Variants in C17orf107 observed in about 807,000 individuals in gnomAD.
C17orf107 encodes uncharacterized protein C17orf107.
C17orf107 carries 9 observed loss-of-function variants against 8.9 expected under a neutral mutation model. The observed-to-expected ratio is 1.02, with a 90% CI of 0.61 to 1.77. C17orf107 has a LOEUF of 1.77. Among genes scored for constraint, C17orf107 ranks in the 40% most tolerant of loss-of-function variants. C17orf107 has a pLI of 0.00. For missense variants in C17orf107, 281 were observed against 249.0 expected (o/e 1.13, Z -0.86); for synonymous variants, 139 against 120.3 (o/e 1.16, Z -1.02).
chr17:4,901,025 C>T lies in C17orf107; in HGVS notation c.*492C>T, dbSNP rs1969966617. ...CAGGAAGTAGGCGAGCAGCACCAGG[C>T]CCGAGATGAGCACACAGGGCACGAT... On this transcript the variant is annotated 3_prime_UTR_variant, in exon 3 of 3. Transcript: ENST00000381365. 1 of 1,613,894 alleles carries T rather than the reference C, an allele frequency of 6.2e-7. No homozygotes were observed. Among genetic ancestry groups the T allele is most frequent in the Admixed American group, 1.7e-5 (1 of 60,012 alleles).
rs1969937032 is a variant in C17orf107, at chr17:4,900,298, C to T, written c.338C>T (p.Pro113Leu). 1.3e-6 allele frequency: 2 copies of T among 1,545,366 alleles called. No individual in the cohort carries two copies. The highest frequency in any genetic ancestry group is 1.2e-5 in the South Asian group (1 of 83,982). ...CTAGACGGCAGCGCGGGCCCAGCCCCAGACGGCAGGGATCCGGGTGCAGCG... is the reference window on the plus strand; with the variant it reads ...CTAGACGGCAGCGCGGGCCCAGCCCTAGACGGCAGGGATCCGGGTGCAGCG... ...RRLDGSAGPA[P>L]DGRDPGAALS... The change falls in exon 3 of 3, where the codon CCA becomes CTA. Residue 113 changes from proline (P) to leucine (L), a missense_variant. By Grantham distance (98) the Pro-to-Leu change is moderately conservative. Transcript: ENST00000381365.
chr17:4,901,317 G>T lies in C17orf107; in HGVS notation c.*784G>T. 1 of 1,083,836 alleles carries T rather than the reference G, an allele frequency of 9.2e-7. No individual in the cohort carries two copies. Among genetic ancestry groups the T allele is most frequent in the Non-Finnish European group, 1.4e-6 (1 of 732,640 alleles). 67.1% of individuals were successfully genotyped at this position (1,083,836 alleles called of 1,614,324 possible). A position where few individuals can be genotyped will look rare whatever the true frequency, so the allele number is the denominator to read the frequency against. ...GGCCGTCAGGATGGGGGCAATTACG[G>T]ACAGAAAAGGGCATTCTCGTTGAGG... is the stretch of plus-strand genomic sequence containing the variant. On this transcript the variant is annotated 3_prime_UTR_variant, in exon 3 of 3. Transcript: ENST00000381365.
chr17:4,903,041 A>G (rs199807050), downstream of C17orf107: 344 of 1,613,490 alleles, frequency 2.1e-4, no homozygotes, highest in Non-Finnish European at 2.6e-5. Context: ...GAGGAGCAGG[A>G]CCCCAAGCGG....
Position 4,900,432 on chromosome 17 carries a change from C to T in C17orf107, c.472C>T (p.Arg158Trp). 3 of 1,551,032 alleles carry T rather than the reference C, an allele frequency of 1.9e-6. No homozygotes were observed. Among genetic ancestry groups the T allele is most frequent in the Non-Finnish European group, 2.6e-6 (3 of 1,146,968 alleles). The change falls in exon 3 of 3, where the codon CGG (arginine) becomes TGG (tryptophan). Residue 158 changes from arginine (R) to tryptophan (W), a missense_variant. By Grantham distance (101) the Arg-to-Trp change is moderately radical. Transcript: ENST00000381365. The part of the protein sequence containing the change: ...VQGAWLCLCG[R>W]GLQGSASFLR... ...GGGAGCATGGCTATGCCTGTGTGGACGGGGTCTGCAGGGGTCTGCCTCATT... is the reference window on the plus strand; with the variant it reads ...GGGAGCATGGCTATGCCTGTGTGGATGGGGTCTGCAGGGGTCTGCCTCATT...
chr17:4,901,701 G>A lies in C17orf107; in HGVS notation c.*1168G>A, dbSNP rs1597620590. ...GGCCTCAGGCCCAGCCCTGGAAGCT[G>A]GGATCTAGCGGGGCCGCGATCCCAA... On this transcript the variant is annotated 3_prime_UTR_variant, in exon 3 of 3. Coordinates refer to ENST00000381365, the MANE Select transcript of C17orf107 (RefSeq NM_001145536.2). 7.7e-6 allele frequency: 11 copies of A among 1,436,412 alleles called. No homozygotes were observed. Among genetic ancestry groups the A allele is most frequent in the East Asian group, 2.3e-5 (1 of 43,712 alleles). The allele number at this position is 1,436,412 out of a possible 1,614,324, so 89.0% of individuals were successfully genotyped here.
downstream of C17orf107, among the ~76,000 whole-genome samples, chr17:4,905,735 C>T (rs1038711847): frequency 3.9e-5 from 6 of 151,922 alleles, no homozygotes; most frequent in Non-Finnish European, 7.4e-5. Context: ...GTGGCTGGCA[C>T]CTGTAATCCC....
rs1156609634 is a variant in C17orf107 at position 4,902,205 on chromosome 17, C to A, written c.*1672C>A. ...GGCTTCCCTCCAGCCTGGCGTCTGG[C>A]CCGGTTCTCACTTGTTTTCCAGCAC... On this transcript the variant is annotated 3_prime_UTR_variant, in exon 3 of 3. Coordinates refer to ENST00000381365, the MANE Select transcript of C17orf107 (RefSeq NM_001145536.2). This position sits in a 1 kb window ranked among gnomAD's most constrained non-coding sequence, Gnocchi z 4.0. 1.2e-6 allele frequency: 2 copies of A among 1,613,912 alleles called. No homozygotes were observed. Among genetic ancestry groups the A allele is most frequent in the Non-Finnish European group, 1.7e-6 (2 of 1,179,902 alleles).
chr17:4,900,953 GC>G lies in C17orf107; in HGVS notation c.*423del. 6.2e-7 allele frequency: 1 copy of G among 1,613,840 alleles called. No individual in the cohort carries two copies. Among genetic ancestry groups the G allele is most frequent in the Non-Finnish European group, 8.5e-7 (1 of 1,179,752 alleles). On this transcript the variant is annotated 3_prime_UTR_variant, in exon 3 of 3. Transcript: ENST00000381365. The stretch of plus-strand genomic sequence containing the variant: ...AGCGGGCCCCGCCTCCCGGGAGCGA[GC>G]CCGGGTTTGGGGGTAGGTTCGGGGC...
rs759432257 is a variant in C17orf107 at position 4,901,924 on chromosome 17, C to T, written c.*1391C>T. On this transcript the variant is annotated 3_prime_UTR_variant, in exon 3 of 3. Coordinates refer to ENST00000381365, the MANE Select transcript of C17orf107 (RefSeq NM_001145536.2). Reference sequence around the variant, plus strand: ...TAATCGTCCGGGCCTCGGAGTAGCTCTTCCCACCGGAAAATAAGCGAACAG... The same window carrying T: ...TAATCGTCCGGGCCTCGGAGTAGCTTTTCCCACCGGAAAATAAGCGAACAG... The T allele has an allele frequency of 1.3e-6, 2 of 1,530,222 alleles. No individual in the cohort carries two copies. The allele number at this position is 1,530,222 out of a possible 1,614,324, so 94.8% of individuals were successfully genotyped here.
rs772240882 is a variant in C17orf107, at chr17:4,902,718, A to G, written c.*2185A>G. 2 of 1,614,036 alleles carry G rather than the reference A, an allele frequency of 1.2e-6. No individual in the cohort carries two copies. The highest frequency in any genetic ancestry group is 3.3e-5 in the Admixed American group (2 of 59,998). ...GCTTCCTGGGTCATAGTTGTTGAAG[A>G]GATGGTGATAAAGACGCAGTTCCTC... is the stretch of plus-strand genomic sequence containing the variant. On this transcript the variant is annotated 3_prime_UTR_variant, in exon 3 of 3. Coordinates refer to ENST00000381365, the MANE Select transcript of C17orf107 (RefSeq NM_001145536.2). This position sits in a 1 kb window ranked among gnomAD's most constrained non-coding sequence, Gnocchi z 4.0.
Position 4,901,611 on chromosome 17 carries a change from T to C in C17orf107, c.*1078T>C, listed in dbSNP as rs1439010217. 5.0e-6 allele frequency: 8 copies of C among 1,614,108 alleles called. No homozygotes were observed. Among genetic ancestry groups the C allele is most frequent in the South Asian group, 2.2e-5 (2 of 91,088 alleles). On this transcript the variant is annotated 3_prime_UTR_variant, in exon 3 of 3. Transcript: ENST00000381365. Reference sequence around the variant, plus strand: ...AAAAGTGAACTCCACCTCTTCGGCATTGTACGTCTGAGAGCTGCGGAGCCA... The same window carrying C: ...AAAAGTGAACTCCACCTCTTCGGCACTGTACGTCTGAGAGCTGCGGAGCCA...
Position 4,901,329 on chromosome 17 carries a change from C to T in C17orf107, c.*796C>T. 1 of 1,029,606 alleles carries T rather than the reference C, an allele frequency of 9.7e-7. No individual in the cohort carries two copies. Among genetic ancestry groups the T allele is most frequent in the East Asian group, 2.5e-5 (1 of 39,558 alleles). 63.8% of individuals were successfully genotyped at this position (1,029,606 alleles called of 1,614,324 possible). A position where few individuals can be genotyped will look rare whatever the true frequency, so the allele number is the denominator to read the frequency against. On this transcript the variant is annotated 3_prime_UTR_variant, in exon 3 of 3. Transcript: ENST00000381365. Reference sequence around the variant, plus strand: ...GGGGGCAATTACGGACAGAAAAGGGCATTCTCGTTGAGGGTATGGAAAGCC... The same window carrying T: ...GGGGGCAATTACGGACAGAAAAGGGTATTCTCGTTGAGGGTATGGAAAGCC...
chr17:4,899,762 C>T lies in C17orf107; in HGVS notation c.-1C>T. ...CTCCTGTCCTACCACTTGTGGCGGC[C>T]ATGAAGGGGACCCCCAGCTCCCTGG... On this transcript the variant is annotated 5_prime_UTR_variant, in exon 1 of 3. Coordinates refer to ENST00000381365, the MANE Select transcript of C17orf107 (RefSeq NM_001145536.2). 2 of 1,551,308 alleles carry T rather than the reference C, an allele frequency of 1.3e-6. No homozygotes were observed. Among genetic ancestry groups the T allele is most frequent in the East Asian group, 2.4e-5 (1 of 40,906 alleles).
rs777324821 is a variant in C17orf107, at chr17:4,902,036, C to CTCGTAGACGAGCACGTTGGCG, written c.*1510_*1530dup. ...GAGGCAGCCACGTCACGGAGCCGCCCTCGTAGACGAGCACGTTGGCGTCGT... is the reference window on the plus strand; with the variant it reads ...GAGGCAGCCACGTCACGGAGCCGCCCTCGTAGACGAGCACGTTGGCGTCGTAGACGAGCACGTTGGCGTCGT... On this transcript the variant is annotated 3_prime_UTR_variant, in exon 3 of 3. Transcript: ENST00000381365. This position sits in a 1 kb window ranked among gnomAD's most constrained non-coding sequence, Gnocchi z 4.0. The CTCGTAGACGAGCACGTTGGCG allele has an allele frequency of 3.1e-6, 5 of 1,614,122 alleles. No individual in the cohort carries two copies. The South Asian group carries it at 5.5e-5, about 18-fold the overall frequency.
downstream of C17orf107, among the ~76,000 whole-genome samples, chr17:4,905,607 T>C (rs1970083228): frequency 6.6e-6 from 1 of 151,472 alleles, no homozygotes; most frequent in African/African-American, 2.4e-5. Flanking sequence ...ACACCTGTAA[T>C]CCCAGCACTT....
downstream of C17orf107, chr17:4,902,993 T>G (rs749072950): frequency 6.2e-7 from 1 of 1,613,844 alleles, no homozygotes. The surrounding 1 kb of genome is among the most constrained non-coding windows in gnomAD (Gnocchi z 4.0). Context: ...GTGTGTCCAA[T>G]TGCCCCTCTA....
chr17:4,905,730 T>A (rs538368968), downstream of C17orf107, among the ~76,000 whole-genome samples: 3 of 151,182 alleles, frequency 2.0e-5, no homozygotes, highest in East Asian at 5.9e-4. Flanking sequence ...GTGTGGTGGC[T>A]GGCACCTGTA....
rs200473812 is a variant in C17orf107, at chr17:4,901,892, C to A, written c.*1359C>A. The A allele has an allele frequency of 2.4e-4, 389 of 1,606,670 alleles. 4 individuals are homozygous for A. Among genetic ancestry groups the A allele is most frequent in the South Asian group, 9.0e-4 (82 of 90,860 alleles). ...TGGCCCCGCCCCATAAGGCCCCCCC[C>A]CAACAATAATCGTCCGGGCCTCGGA... On this transcript the variant is annotated 3_prime_UTR_variant, in exon 3 of 3. Coordinates refer to ENST00000381365, the MANE Select transcript of C17orf107 (RefSeq NM_001145536.2).
chr17:4,900,320 A>G lies in C17orf107; in HGVS notation c.360A>G (p.Ala120=). The part of the protein sequence containing the change: ...GPAPDGRDPG[A]ALSRVAQAAG... ...CCCCAGACGGCAGGGATCCGGGTGCAGCGCTGAGCCGGGTAGCCCAAGCCG... is the reference window on the plus strand; with the variant it reads ...CCCCAGACGGCAGGGATCCGGGTGCGGCGCTGAGCCGGGTAGCCCAAGCCG... The change falls in exon 3 of 3, where the codon GCA becomes GCG. Residue 120 remains alanine, a synonymous_variant. Transcript: ENST00000381365. The G allele has an allele frequency of 6.5e-7, 1 of 1,545,426 alleles. No individual in the cohort carries two copies. Among genetic ancestry groups the G allele is most frequent in the East Asian group, 2.4e-5 (1 of 40,886 alleles).
Sources: gnomAD v4.1 joint callset for allele counts (sites outside exome capture counted in the v4.1 genomes callset) on GRCh38, gnomAD v4.1.1 for gene constraint, Gnocchi (gnomAD v3.1) non-coding constraint, MANE v1.5 for transcripts, NCBI Gene and HGNC (gene_info 2026-07-23, HGNC 2026-07-21) for gene names.